The following DISC1 variants were observed in gnomAD, a reference collection of about 807,000 sequenced individuals.
DISC1 encodes DISC1 scaffold protein, also known as disrupted in schizophrenia 1 protein.
A neutral mutation model predicts 84.5 loss-of-function variants in DISC1; 57 were observed. The ratio of observed to expected loss-of-function variants is 0.67; its 90% CI spans 0.55 to 0.84. The LOEUF (loss-of-function observed/expected upper bound fraction) is 0.84, where lower values mean the gene tolerates loss of function less well. DISC1 is among the 40% of genes least tolerant of loss of function. DISC1 has a pLI of 0.00. For synonymous variants in DISC1, 411 were observed against 415.2 expected (o/e 0.99, Z 0.12); for missense variants, 1,000 against 1,057.8 (o/e 0.95, Z 0.76).
At chr1:231,765,957 G>A (rs1279233820) in intron 4 of DISC1, among the ~76,000 whole-genome samples, 1 of 151,944 alleles carries the variant, frequency 6.6e-6, no homozygotes, top group African/African-American at 2.4e-5. Flanking sequence ...TCTAGTGTGA[G>A]CCATATACAC....
intron 1 of DISC1, 152 bp from the exon 2 acceptor site, chr1:231,693,674 A>G: frequency 8.8e-7 from 1 of 1,131,060 alleles, no homozygotes; most frequent in Non-Finnish European, 1.3e-6. Flanking sequence ...GATTTACATA[A>G]TGGATTGGCC....
chr1:231,673,478 C>T (rs1254374370), intron 1 of DISC1, among the ~76,000 whole-genome samples: 2 of 152,176 alleles, frequency 1.3e-5, no homozygotes, highest in Non-Finnish European at 2.9e-5. Context: ...TAGGTAGGCG[C>T]CACCACATCT....
At chr1:231,883,860 G>A (rs1414296136) in intron 9 of DISC1, among the ~76,000 whole-genome samples, 2 of 152,158 alleles carry the variant, frequency 1.3e-5, no homozygotes, top group Non-Finnish European at 2.9e-5. Context: ...GTGAATTCTA[G>A]AATTCTGCCA....
chr1:231,939,009 G>T (rs1002329399), intron 9 of DISC1, among the ~76,000 whole-genome samples: 1 of 152,080 alleles, frequency 6.6e-6, no homozygotes, highest in African/African-American at 2.4e-5. Context: ...TCTCAAATGG[G>T]TCGCCTCCGA....
chr1:231,774,656 C>T (rs1484444000), intron 6 of DISC1: 2 of 455,496 alleles, frequency 4.4e-6, no homozygotes, highest in African/African-American at 2.0e-5. Flanking sequence ...AGGCATCAGA[C>T]TGCTCCCTGC....
At chr1:231,878,623 AT>A (rs796391823) in intron 9 of DISC1, among the ~76,000 whole-genome samples, 4 of 152,150 alleles carry the variant, frequency 2.6e-5, no homozygotes, top group Admixed American at 1.3e-4. Context: ...TGTCATTGTC[AT>A]TTTTTTTAAA....
intron 10 of DISC1, among the ~76,000 whole-genome samples, chr1:231,985,947 T>C (rs1287200894): frequency 6.6e-6 from 1 of 152,228 alleles, no homozygotes; most frequent in African/African-American, 2.4e-5. Flanking sequence ...CGTGAAAATC[T>C]GGTGCCATCA....
chr1:231,986,644 A>T (rs970039103), intron 10 of DISC1, among the ~76,000 whole-genome samples: 1 of 152,216 alleles, frequency 6.6e-6, no homozygotes, highest in African/African-American at 2.4e-5. Flanking sequence ...TGCCTTGAAA[A>T]TGAGTTTCCT....
At chr1:231,904,884 G>A (rs7523326) in intron 9 of DISC1, among the ~76,000 whole-genome samples, 3,017 of 152,196 alleles carry the variant, frequency 0.02, 47 homozygotes, top group Admixed American at 0.027. Context: ...GCCAAACAGG[G>A]CATAAATCGA....
intron 9 of DISC1, among the ~76,000 whole-genome samples, chr1:231,832,868 G>C (rs531959343): frequency 5.5e-5 from 8 of 145,410 alleles, no homozygotes; most frequent in African/African-American, 1.8e-4. Context: ...TATAAGGAGA[G>C]TTTATAGGCT....
At chr1:231,961,126 C>G (rs1357765202) in intron 10 of DISC1, among the ~76,000 whole-genome samples, 1 of 152,168 alleles carries the variant, frequency 6.6e-6, no homozygotes, top group Non-Finnish European at 1.5e-5. Flanking sequence ...TCCTCTTGGG[C>G]CTTTTGTGGG....
In DISC1 at chr1:231,770,984, G is replaced by A. The variant is rs769340270; in HGVS notation, c.1548G>A (p.Leu516=). Residue 516 remains leucine (L), a synonymous_variant, in exon 6 of 13, where the codon CTG becomes CTA. Transcript: ENST00000439617. The part of the protein sequence containing the change: ...PLVGQLSLGQ[L]QEVSKALQDT... ...TGGGCCAGCTGTCCCTGGGTCAGCT[G>A]CAGGAGGTCAGCAAGGCCTTGCAGG... The A allele has an allele frequency of 6.2e-7, 1 of 1,613,656 alleles. No individual in the cohort carries two copies. Among genetic ancestry groups the A allele is most frequent in the South Asian group, 1.1e-5 (1 of 90,970 alleles).
At chr1:231,942,346 AG>A (rs2091396457) in intron 9 of DISC1, among the ~76,000 whole-genome samples, 1 of 152,150 alleles carries the variant, frequency 6.6e-6, no homozygotes, top group African/African-American at 2.4e-5. Flanking sequence ...TCTATTTCCC[AG>A]CTGTGCTGCA....
rs12084804 is a variant in DISC1 at position 231,955,176 on chromosome 1, G to A, written c.1982-3652G>A. On this transcript the variant is annotated intron_variant, in intron 9 of 12. Coordinates refer to ENST00000439617, the MANE Select transcript of DISC1 (RefSeq NM_018662.3). ...AAGGTGCTATCACAATATAAATGGC[G>A]CGTTGCGTACGATCAGCAAGGGCTT... Among the ~76,000 whole-genome samples, 831 of 152,218 alleles carry A rather than the reference G, an allele frequency of 5.5e-3. 9 individuals carry two copies. Among genetic ancestry groups the A allele is most frequent in the African/African-American group, 0.018 (759 of 41,536 alleles).
At chr1:231,906,657 C>T (rs1223298482) in intron 9 of DISC1, among the ~76,000 whole-genome samples, 2 of 152,190 alleles carry the variant, frequency 1.3e-5, no homozygotes, top group African/African-American at 4.8e-5. Flanking sequence ...AGCTTTGTAA[C>T]AGATTAAGTA....
chr1:231,643,887 G>C (rs1016476949), intron 1 of DISC1, among the ~76,000 whole-genome samples: 2 of 152,130 alleles, frequency 1.3e-5, no homozygotes, highest in African/African-American at 4.8e-5. Flanking sequence ...AGGATGGCGA[G>C]CCTTTTTCTA....
chr1:231,909,120 G>A (rs2088959971), intron 9 of DISC1, among the ~76,000 whole-genome samples: 2 of 152,088 alleles, frequency 1.3e-5, no homozygotes, highest in African/African-American at 4.8e-5. Context: ...CTGTAAAAAG[G>A]GACAATTTGA....
At chr1:231,696,736 A>G (rs2065761462) in intron 2 of DISC1, among the ~76,000 whole-genome samples, 1 of 152,238 alleles carries the variant, frequency 6.6e-6, no homozygotes, top group South Asian at 2.1e-4. Flanking sequence ...ACTTGTCTGC[A>G]GTATTCAGTA....
At chr1:231,707,107 T>C (rs1404433510) in intron 3 of DISC1, among the ~76,000 whole-genome samples, 1 of 152,198 alleles carries the variant, frequency 6.6e-6, no homozygotes, top group African/African-American at 2.4e-5. Context: ...TCGGCCATTC[T>C]TATATCCTCA....
Sources: allele counts gnomAD v4.1 joint callset (sites outside exome capture counted in the v4.1 genomes callset), GRCh38; gene constraint gnomAD v4.1.1; transcripts MANE v1.5; gene names NCBI Gene and HGNC (gene_info 2026-07-23, HGNC 2026-07-21).